The following CHD5 variants were observed in gnomAD, a reference collection of about 807,000 sequenced individuals.
CHD5 encodes chromodomain helicase DNA binding protein 5, also known as ATP-dependent chromatin remodeler CHD5.
Under a neutral mutation model 230.3 loss-of-function variants are expected in CHD5, and 69 were observed. That is an observed-to-expected ratio of 0.30 (90% CI 0.25 to 0.37). The LOEUF is 0.37. CHD5 is among the 10% of genes least tolerant of loss of function. The probability of loss-of-function intolerance (pLI) is 1.00; values close to 1 mark genes in which losing one functional copy is unlikely to be tolerated. For synonymous variants in CHD5, 1,064 were observed against 1,065.9 expected (o/e 1.00, Z 0.03); for missense variants, 1,827 against 2,622.8 (o/e 0.70, Z 6.63).
intron 3 of CHD5, among the ~76,000 whole-genome samples, chr1:6,156,009 G>A (rs1334590712): frequency 1.3e-5 from 2 of 152,216 alleles, no homozygotes; most frequent in Non-Finnish European, 2.9e-5. Context: ...CTTCCAGAAA[G>A]GGAAATCAGC....
At chr1:6,156,215 A>G (rs141454349) in intron 3 of CHD5, among the ~76,000 whole-genome samples, 54 of 152,338 alleles carry the variant, frequency 3.5e-4, no homozygotes, top group African/African-American at 1.3e-3. Flanking sequence ...GCAGGGCTCC[A>G]GGGCTGCCTA....
chr1:6,107,170 G>C (rs1035400217), intron 38 of CHD5, among the ~76,000 whole-genome samples: 3 of 144,698 alleles, frequency 2.1e-5, no homozygotes, highest in African/African-American at 7.8e-5. Context: ...GGGATGGAGG[G>C]AAGGTGGAGG....
rs762835412 is a variant in CHD5 at position 6,134,873 on chromosome 1, C to T, written c.2871-14G>A. Reference sequence around the variant, plus strand: ...TTGTAGTACTTCCTGCAGCAGGGCACGAGGAAAGGCAGGCTGGGTCAGACC... The same window carrying T: ...TTGTAGTACTTCCTGCAGCAGGGCATGAGGAAAGGCAGGCTGGGTCAGACC... On this transcript the variant is annotated splice_polypyrimidine_tract_variant and intron_variant, in intron 18 of 41. Transcript: ENST00000262450. The surrounding 1 kb of genome is among the most constrained non-coding windows in gnomAD (Gnocchi z 6.3). 1.2e-5 allele frequency: 19 copies of T among 1,613,796 alleles called. No homozygotes were observed. The East Asian group carries it at 2.0e-4, about 17-fold the overall frequency.
chr1:6,128,142 G>A lies in CHD5; in HGVS notation c.3807C>T (p.Asn1269=). 6.2e-7 allele frequency: 1 copy of A among 1,614,140 alleles called. No homozygotes were observed. Among genetic ancestry groups the A allele is most frequent in the Non-Finnish European group, 8.5e-7 (1 of 1,180,006 alleles). The change falls in exon 25 of 42, where the codon AAC becomes AAT. Residue 1269 remains asparagine, a synonymous_variant. Coordinates refer to ENST00000262450, the MANE Select transcript of CHD5 (RefSeq NM_015557.3). The surrounding 1 kb of genome is among the most constrained non-coding windows in gnomAD (Gnocchi z 7.8). ...GCTCCGTGTCATCTGTAGCGTCCTG[G>A]TTCCGGTCCAGCAGCTTGGAGATGG... is the stretch of plus-strand genomic sequence containing the variant. The part of the protein sequence containing the change: ...DAAISKLLDR[N]QDATDDTELQ...
Position 6,180,042 on chromosome 1 carries a change from G to T in CHD5, c.-19C>A. The T allele has an allele frequency of 7.8e-7, 1 of 1,282,846 alleles. No individual in the cohort carries two copies. The highest frequency in any genetic ancestry group is 1.0e-6 in the Non-Finnish European group (1 of 998,350). The allele number at this position is 1,282,846 out of a possible 1,614,324, so 79.5% of individuals were successfully genotyped here. A position where few individuals can be genotyped will look rare whatever the true frequency, so the allele number is the denominator to read the frequency against. On this transcript the variant is annotated 5_prime_UTR_variant, in exon 1 of 42. Transcript: ENST00000262450. ...CCCGCATGCCCGGCGCGGGGAGGAG[G>T]GGAGGTGGGCGCCCCCCCTCCCGCC... is the stretch of plus-strand genomic sequence containing the variant.
intron 38 of CHD5, among the ~76,000 whole-genome samples, chr1:6,109,244 C>T (rs564399070): frequency 6.6e-6 from 1 of 152,092 alleles, no homozygotes; most frequent in Non-Finnish European, 1.5e-5. Context: ...CAGAGTACAC[C>T]AGGGAGGGCT....
chr1:6,115,650 TC>T (rs1238955071), intron 33 of CHD5, among the ~76,000 whole-genome samples: 1 of 152,234 alleles, frequency 6.6e-6, no homozygotes, highest in African/African-American at 2.4e-5. Flanking sequence ...AAATGGGACC[TC>T]AGTCCTCCAG....
chr1:6,175,904 G>A (rs1667420084), intron 1 of CHD5, among the ~76,000 whole-genome samples: 1 of 151,992 alleles, frequency 6.6e-6, no homozygotes, highest in African/African-American at 2.4e-5. Context: ...AAGAACAGAT[G>A]GATGGATGGA....
Position 6,168,184 on chromosome 1 carries a change from T to C in CHD5, c.173A>G (p.Glu58Gly), listed in dbSNP as rs1325830214. ...CTTCCGCTTCCCTTTACACTTGTTT[T>C]CCTTGAGCTTCTTGGGTTTCTTCTT... ...PKKKKPKKLK[E>G]NKCKGKRKKK... The change falls in exon 2 of 42, where the codon GAA (glutamate) becomes GGA (glycine). Residue 58 changes from glutamate to glycine, a missense_variant. This residue lies in a region of CHD5 where 113 missense variants were observed against 91.9 expected (regional missense o/e 1.23). Coordinates refer to ENST00000262450, the MANE Select transcript of CHD5 (RefSeq NM_015557.3). The C allele has an allele frequency of 6.2e-7, 1 of 1,612,214 alleles. No homozygotes were observed. The highest frequency in any genetic ancestry group is 1.7e-5 in the Admixed American group (1 of 59,976).
intron 2 of CHD5, among the ~76,000 whole-genome samples, chr1:6,165,039 T>G (rs534307174): frequency 6.6e-6 from 1 of 151,474 alleles, no homozygotes; most frequent in Non-Finnish European, 1.5e-5. Flanking sequence ...CAGAGAGAGA[T>G]AAGGACCTGG....
Position 6,110,393 on chromosome 1 carries a change from C to T in CHD5, c.5382+1G>A. On this transcript the variant is annotated splice_donor_variant, in intron 37 of 41. Transcript: ENST00000262450. LOFTEE classifies it high-confidence loss of function. ...CAGCCCTGGCCCTTCAGAAGACAGA[C>T]CTTAAACCTGCGGGCCAGGAACTTG... 1.9e-6 allele frequency: 3 copies of T among 1,613,962 alleles called. No homozygotes were observed. Among genetic ancestry groups the T allele is most frequent in the Non-Finnish European group, 1.7e-6 (2 of 1,180,018 alleles).
chr1:6,121,129 G>T lies in CHD5; in HGVS notation c.4888C>A (p.Pro1630Thr). The change falls in exon 33 of 42, where the codon CCC becomes ACC. Residue 1630 changes from proline to threonine, a missense_variant. Pro to Thr is a conservative substitution (Grantham distance 38, BLOSUM62 -1). Transcript: ENST00000262450. The surrounding 1 kb of genome is among the most constrained non-coding windows in gnomAD (Gnocchi z 4.5). ...CCTCTCGGCAGCTGCTCCGGGGAGG[G>T]CGGGGCCTTCTCCGTCTCCTCTGGC... ...ERPEETEKAP[P>T]SPEQLPREEV... The T allele has an allele frequency of 6.2e-7, 1 of 1,610,582 alleles. No homozygotes were observed. Among genetic ancestry groups the T allele is most frequent in the South Asian group, 1.1e-5 (1 of 90,582 alleles).
chr1:6,145,753 G>T (rs192260045), intron 11 of CHD5, among the ~76,000 whole-genome samples: 1 of 152,230 alleles, frequency 6.6e-6, no homozygotes, highest in African/African-American at 2.4e-5. Flanking sequence ...TGATTCTGGC[G>T]ACTTAACCTT....
chr1:6,142,749 A>G lies in CHD5; in HGVS notation c.2044-144T>C. 1 of 937,670 alleles carries G rather than the reference A, an allele frequency of 1.1e-6. No individual in the cohort carries two copies. 58.1% of individuals were successfully genotyped at this position (937,670 alleles called of 1,614,324 possible). A position where few individuals can be genotyped will look rare whatever the true frequency, so the allele number is the denominator to read the frequency against. Reference sequence around the variant, plus strand: ...TTCCTAACTCTTCTCCAGTTCTTGGATGGAACACCTCTTCCTCTAGGAAGC... The same window carrying G: ...TTCCTAACTCTTCTCCAGTTCTTGGGTGGAACACCTCTTCCTCTAGGAAGC... On this transcript the variant is annotated intron_variant, in intron 13 of 41. Coordinates refer to ENST00000262450, the MANE Select transcript of CHD5 (RefSeq NM_015557.3). This position sits in a 1 kb window ranked among gnomAD's most constrained non-coding sequence, Gnocchi z 5.2.
chr1:6,160,990 C>T (rs958459206), intron 2 of CHD5, among the ~76,000 whole-genome samples: 6 of 152,212 alleles, frequency 3.9e-5, no homozygotes, highest in African/African-American at 1.4e-4. Flanking sequence ...CGGGGCTTGC[C>T]ATGCGCAGGA....
At chr1:6,169,254 A>G (rs1667299491) in intron 1 of CHD5, among the ~76,000 whole-genome samples, 1 of 152,114 alleles carries the variant, frequency 6.6e-6, no homozygotes, top group South Asian at 2.1e-4. Context: ...CCTCCAACAC[A>G]CTCACAACGG....
intron 3 of CHD5, among the ~76,000 whole-genome samples, chr1:6,156,535 CAA>C (rs1225146962): frequency 2.8e-4 from 18 of 63,814 alleles, no homozygotes; most frequent in African/African-American, 3.6e-4. Flanking sequence ...GATTCTGTCT[CAA>C]AAAAAAAAAA....
rs185960707 is a variant in CHD5, at chr1:6,121,526, C to A, written c.4747G>T (p.Ala1583Ser). Residue 1583 changes from alanine to serine, a missense_variant, in exon 32 of 42, where the codon GCA (alanine) becomes TCA (serine). Coordinates refer to ENST00000262450, the MANE Select transcript of CHD5 (RefSeq NM_015557.3). The surrounding 1 kb of genome is among the most constrained non-coding windows in gnomAD (Gnocchi z 4.5). ...LGYMDEKDPGAQKPRQPLEVQ... is the reference protein window; with the variant it reads ...LGYMDEKDPGSQKPRQPLEVQ... Reference sequence around the variant, plus strand: ...TCCAGGGGCTGCCTTGGCTTCTGTGCCCCGGGGTCTTTCTCATCCATGTAG... The same window carrying A: ...TCCAGGGGCTGCCTTGGCTTCTGTGACCCGGGGTCTTTCTCATCCATGTAG... The A allele has an allele frequency of 2.3e-5, 37 of 1,612,896 alleles. No homozygotes were observed. The highest frequency in any genetic ancestry group is 3.1e-5 in the Non-Finnish European group (36 of 1,179,490).
intron 33 of CHD5, among the ~76,000 whole-genome samples, chr1:6,114,912 G>C (rs897143128): frequency 4.6e-5 from 7 of 151,846 alleles, no homozygotes; most frequent in Admixed American, 2.0e-4. Flanking sequence ...TACTCAGGAG[G>C]CTGAGGCAGG....
Sources: allele counts gnomAD v4.1 joint callset (sites outside exome capture counted in the v4.1 genomes callset), GRCh38; gene constraint gnomAD v4.1.1; regional missense constraint gnomAD v4.1.1; non-coding constraint Gnocchi (gnomAD v3.1); transcripts MANE v1.5; gene names NCBI Gene and HGNC (gene_info 2026-07-23, HGNC 2026-07-21).